ZC3H7A: variants seen among roughly 807,000 people sequenced by gnomAD.
ZC3H7A encodes the protein zinc finger CCCH-type containing 7A.
In ZC3H7A, 44 loss-of-function variants were observed where a neutral mutation model predicts 125.5. That is an observed-to-expected ratio of 0.35 (90% CI 0.28 to 0.45). The LOEUF (loss-of-function observed/expected upper bound fraction) is 0.45. Ranked by LOEUF, ZC3H7A falls within the 20% of genes least tolerant of loss-of-function variation. The pLI, the probability that ZC3H7A is intolerant of heterozygous loss-of-function variation, is 1.00. For synonymous variants in ZC3H7A, 399 were observed against 391.2 expected (o/e 1.02, Z -0.23); for missense variants, 977 against 1,170.7 (o/e 0.83, Z 2.41).
chr16:11,783,186 C>A (rs75179912), intron 1 of ZC3H7A, among the ~76,000 whole-genome samples: 1 of 152,208 alleles, frequency 6.6e-6, no homozygotes, highest in African/African-American at 2.4e-5. Context: ...AAACCTTATA[C>A]ATATTTTGTC....
chr16:11,783,985 G>T (rs542968306), intron 1 of ZC3H7A, among the ~76,000 whole-genome samples: 3 of 137,270 alleles, frequency 2.2e-5, no homozygotes, highest in Admixed American at 8.3e-5. Flanking sequence ...ACAAAAAAGG[G>T]GGGGGCTGTG....
chr16:11,776,603 G>A (rs1428241215), intron 5 of ZC3H7A, 71 bp from the exon 6 acceptor site: 12 of 1,506,176 alleles, frequency 8.0e-6, no homozygotes, highest in Non-Finnish European at 1.1e-5. Flanking sequence ...GACAAAACAG[G>A]GAAGTTTCCC....
At chr16:11,757,320 T>C (rs1424947729) in intron 20 of ZC3H7A, among the ~76,000 whole-genome samples, 2 of 151,480 alleles carry the variant, frequency 1.3e-5, no homozygotes, top group Non-Finnish European at 2.9e-5. Context: ...CCGGCTCTAC[T>C]AAAAATACAA....
At position 11,774,558 on chromosome 16, in the gene ZC3H7A, G is replaced by A. The variant is rs150542921; in HGVS notation, c.620-39C>T. ...GGAAATGTACTCAGTCACTTTCATC[G>A]TACTTACATAATAATACCATTAATC... On this transcript the variant is annotated intron_variant, in intron 8 of 22. Transcript: ENST00000355758. The A allele has an allele frequency of 1.8e-3, 2,633 of 1,477,824 alleles. 7 individuals carry two copies. Among genetic ancestry groups the A allele is most frequent in the Middle Eastern group, 7.8e-3 (43 of 5,480 alleles). 91.5% of individuals were successfully genotyped at this position (1,477,824 alleles called of 1,614,324 possible).
intron 1 of ZC3H7A, among the ~76,000 whole-genome samples, chr16:11,786,913 T>C (rs1437691222): frequency 6.6e-6 from 1 of 152,226 alleles, no homozygotes; most frequent in African/African-American, 2.4e-5. Context: ...CAAAGTCAGC[T>C]GCAGATACCT....
At chr16:11,792,370 T>C (rs564304709) in intron 1 of ZC3H7A, among the ~76,000 whole-genome samples, 4 of 152,372 alleles carry the variant, frequency 2.6e-5, no homozygotes, top group South Asian at 2.1e-4. Flanking sequence ...CAAGGTATCC[T>C]GGATCTTCAG....
chr16:11,766,116 T>C (rs936677767), intron 13 of ZC3H7A, among the ~76,000 whole-genome samples: 1 of 152,126 alleles, frequency 6.6e-6, no homozygotes, highest in East Asian at 1.9e-4. Context: ...AAAAAATCAT[T>C]TAGGGACATT....
In ZC3H7A at chr16:11,776,471, T is replaced by A. The variant is rs377475914; in HGVS notation, c.527A>T (p.Lys176Ile). ...LAQKLGFKIR[K>I]AYVRAELSLK... ...GCTTACCTCAGCTCTGACATACGCT[T>A]TTCTTATTTTAAATCCCAATTTCTG... The change falls in exon 6 of 23, where the codon AAA becomes ATA. Residue 176 changes from lysine (K) to isoleucine (I), a missense_variant. By Grantham distance (102) the Lys-to-Ile change is moderately radical. Around this residue, in one of 3 missense-constraint regions of ZC3H7A, gnomAD observed 199 missense variants for 256.1 expected, o/e 0.78. Coordinates refer to ENST00000355758, the MANE Select transcript of ZC3H7A (RefSeq NM_014153.4). 1.2e-5 allele frequency: 20 copies of A among 1,611,638 alleles called. No individual in the cohort carries two copies. The highest frequency in any genetic ancestry group is 1.7e-5 in the Non-Finnish European group (20 of 1,179,390).
chr16:11,773,383 A>G (rs1049021671), intron 9 of ZC3H7A, among the ~76,000 whole-genome samples: 4 of 151,874 alleles, frequency 2.6e-5, no homozygotes, highest in African/African-American at 9.7e-5. Context: ...TGCTATGGTT[A>G]CCCAGGCTAG....
Position 11,760,627 on chromosome 16 carries a change from G to A in ZC3H7A, c.2319+779C>T, listed in dbSNP as rs558583064. On this transcript the variant is annotated intron_variant, in intron 19 of 22. Coordinates refer to ENST00000355758, the MANE Select transcript of ZC3H7A (RefSeq NM_014153.4). ...TCTGCCCTGCTTCTCTGGGCAAAAG[G>A]TTCCCTCCACATTTCCTCCATCCAG... Among the ~76,000 whole-genome samples, 4 of 152,284 alleles carry A rather than the reference G, an allele frequency of 2.6e-5. No individual in the cohort carries two copies. In the South Asian group the frequency reaches 8.3e-4, roughly 32 times the overall value.
chr16:11,789,549 C>T (rs752631088), intron 1 of ZC3H7A, among the ~76,000 whole-genome samples: 4 of 152,104 alleles, frequency 2.6e-5, no homozygotes, highest in African/African-American at 9.7e-5. Flanking sequence ...CCACTGCGCC[C>T]GGCCGTGCAT....
In ZC3H7A at chr16:11,751,290, T is replaced by C; in HGVS notation, c.*27A>G. 1.9e-6 allele frequency: 3 copies of C among 1,591,678 alleles called. No homozygotes were observed. Among genetic ancestry groups the C allele is most frequent in the Non-Finnish European group, 8.6e-7 (1 of 1,168,316 alleles). On this transcript the variant is annotated 3_prime_UTR_variant, in exon 23 of 23. Coordinates refer to ENST00000355758, the MANE Select transcript of ZC3H7A (RefSeq NM_014153.4). ...CAATTTTTCTGGTCAATGCTCTGAT[T>C]AGGTATCATACATAAAAGCCAGCAT...
intron 20 of ZC3H7A, among the ~76,000 whole-genome samples, chr16:11,757,362 T>C (rs1404999068): frequency 6.6e-6 from 1 of 151,772 alleles, no homozygotes; most frequent in Non-Finnish European, 1.5e-5. Context: ...CAGGCGCCTG[T>C]AGTCCCAGCT....
chr16:11,781,318 G>C (rs1365031327), intron 3 of ZC3H7A, 107 bp downstream of exon 3: 9 of 972,336 alleles, frequency 9.3e-6, no homozygotes, highest in Non-Finnish European at 1.4e-5. Context: ...TAAAAGGACA[G>C]CAGGCCAGAT....
At chr16:11,755,961 G>C (rs963829522) in intron 21 of ZC3H7A, among the ~76,000 whole-genome samples, 10 of 152,082 alleles carry the variant, frequency 6.6e-5, no homozygotes, top group African/African-American at 1.9e-4. Context: ...TCAGGAGTTC[G>C]AGACCATCCT....
At chr16:11,766,472 G>A (rs1248033563) in intron 13 of ZC3H7A, among the ~76,000 whole-genome samples, 1 of 152,210 alleles carries the variant, frequency 6.6e-6, no homozygotes, top group African/African-American at 2.4e-5. Context: ...GCTGAGTCAT[G>A]AGAAAATTGC....
Position 11,767,410 on chromosome 16 carries a change from T to G in ZC3H7A, c.1522+7A>C. The stretch of plus-strand genomic sequence containing the variant: ...ATGTATACTAATTAAGTAATTACAG[T>G]ACATACCTTTACATATATAATATGG... On this transcript the variant is annotated splice_region_variant and intron_variant, in intron 13 of 22. Transcript: ENST00000355758. The G allele has an allele frequency of 6.4e-7, 1 of 1,553,638 alleles. No individual in the cohort carries two copies. Among genetic ancestry groups the G allele is most frequent in the Non-Finnish European group, 8.8e-7 (1 of 1,133,880 alleles).
intron 1 of ZC3H7A, among the ~76,000 whole-genome samples, chr16:11,790,040 C>A (rs1022657213): frequency 7.0e-6 from 1 of 142,988 alleles, no homozygotes; most frequent in Non-Finnish European, 1.5e-5. Context: ...AAGATCATGC[C>A]ACTGCATTCC....
intron 1 of ZC3H7A, among the ~76,000 whole-genome samples, chr16:11,784,037 G>A (rs533895302): frequency 6.6e-6 from 1 of 152,090 alleles, no homozygotes; most frequent in Non-Finnish European, 1.5e-5. Context: ...CCAGGGGAGG[G>A]TGAGAAGTGC....
Sources: allele counts gnomAD v4.1 joint callset (sites outside exome capture counted in the v4.1 genomes callset), GRCh38; gene constraint gnomAD v4.1.1; regional missense constraint gnomAD v4.1.1; transcripts MANE v1.5; gene names NCBI Gene and HGNC (gene_info 2026-07-23, HGNC 2026-07-21).